Variants in FRYL observed in about 807,000 individuals in gnomAD.
FRYL encodes the protein FRY like transcription coactivator.
In FRYL, 150 loss-of-function variants were observed where a neutral mutation model predicts 351.2. The ratio of observed to expected loss-of-function variants is 0.43; its 90% CI spans 0.37 to 0.49. FRYL has a LOEUF of 0.49. Ranked by LOEUF, FRYL falls within the 20% of genes least tolerant of loss-of-function variation. The pLI, the probability that FRYL is intolerant of heterozygous loss-of-function variation, is 0.00. For missense variants in FRYL, 3,036 were observed against 3,619.3 expected, an observed-to-expected ratio of 0.84 and a Z score of 4.13; for synonymous variants, 1,153 against 1,257.1, an observed-to-expected ratio of 0.92 and a Z score of 1.75.
chr4:48,710,235 G>C (rs1363852182), intron 2 of FRYL, among the ~76,000 whole-genome samples: 1 of 152,292 alleles, frequency 6.6e-6, no homozygotes, highest in Admixed American at 6.5e-5. Context: ...AGGTAAGACA[G>C]TAACAAGATA....
intron 1 of FRYL, among the ~76,000 whole-genome samples, chr4:48,724,330 T>A (rs7436127): frequency 1.3e-5 from 2 of 152,102 alleles, no homozygotes; most frequent in East Asian, 3.9e-4. Flanking sequence ...TCTATTTCCA[T>A]GTTGGGCCTG....
At chr4:48,650,323 G>A (rs964538195) in intron 3 of FRYL, among the ~76,000 whole-genome samples, 4 of 152,020 alleles carry the variant, frequency 2.6e-5, no homozygotes, top group African/African-American at 9.7e-5. Flanking sequence ...TTACTTGTCT[G>A]CACATTTACC....
intron 6 of FRYL, 70 bp downstream of exon 6, chr4:48,620,569 G>A (rs1578386810): frequency 9.5e-6 from 14 of 1,468,272 alleles, no homozygotes; most frequent in East Asian, 2.3e-5. Context: ...ACAACCTTCA[G>A]TTGATAATAT....
At chr4:48,698,763 T>C (rs1766444567) in intron 2 of FRYL, among the ~76,000 whole-genome samples, 1 of 151,998 alleles carries the variant, frequency 6.6e-6, no homozygotes, top group South Asian at 2.1e-4. Flanking sequence ...ATCCTGTAAC[T>C]CTGAAAAAAC....
At chr4:48,736,448 A>G (rs1771411803) in intron 1 of FRYL, among the ~76,000 whole-genome samples, 1 of 152,226 alleles carries the variant, frequency 6.6e-6, no homozygotes, top group South Asian at 2.1e-4. Flanking sequence ...ATAAGCTTCT[A>G]GCAGGTTAAC....
In FRYL at chr4:48,502,930, T is replaced by C. The variant is rs543408318; in HGVS notation, c.8464-85A>G. On this transcript the variant is annotated intron_variant, in intron 60 of 63. Transcript: ENST00000358350. ...GTGTAAGAAATCATTTTAACTAGGG[T>C]CACAGATGTTCCAGGTAAACTGAAG... The C allele has an allele frequency of 6.0e-6, 6 of 1,007,004 alleles. No individual in the cohort carries two copies. The South Asian group carries it at 8.2e-5, about 14-fold the overall frequency. 62.4% of individuals were successfully genotyped at this position (1,007,004 alleles called of 1,614,324 possible). A position where few individuals can be genotyped will look rare whatever the true frequency, so the allele number is the denominator to read the frequency against.
chr4:48,713,622 A>G (rs1030755699), intron 1 of FRYL, among the ~76,000 whole-genome samples: 2 of 152,190 alleles, frequency 1.3e-5, no homozygotes, highest in Non-Finnish European at 2.9e-5. Context: ...TTCATAAAGC[A>G]AGTCCTGAGT....
At position 48,499,461 on chromosome 4, in the gene FRYL, C is replaced by A. The variant is rs1719055660; in HGVS notation, c.9003G>T (p.Gln3001His). ...TCACCATATTTCCCATTGGTTTGGC[C>A]TGTGCTAGAAGTTGGTATGATTGCA... The part of the protein sequence containing the change: ...RMVQSYQLLA[Q>H]AKPMGNMVST... The change falls in exon 64 of 64, where the codon CAG (glutamine) becomes CAT (histidine). Residue 3001 changes from glutamine to histidine, a missense_variant. Coordinates refer to ENST00000358350, the MANE Select transcript of FRYL (RefSeq NM_015030.2). The A allele has an allele frequency of 1.2e-6, 2 of 1,614,010 alleles. No homozygotes were observed. Among genetic ancestry groups the A allele is most frequent in the Non-Finnish European group, 1.7e-6 (2 of 1,179,914 alleles).
intron 1 of FRYL, among the ~76,000 whole-genome samples, chr4:48,752,370 T>TTTGCCC (rs1162907521): frequency 5.8e-4 from 15 of 25,982 alleles, no homozygotes; most frequent in African/African-American, 1.8e-3. Context: ...TGACTCCGGA[T>TTTGCCC]CTGCCCCTGG....
At chr4:48,694,965 G>A (rs1282020322) in intron 2 of FRYL, among the ~76,000 whole-genome samples, 1 of 152,084 alleles carries the variant, frequency 6.6e-6, no homozygotes, top group East Asian at 1.9e-4. Flanking sequence ...CCCAGGCTAA[G>A]GTGAGAGGAT....
intron 26 of FRYL, chr4:48,572,098 T>A: frequency 1.7e-6 from 1 of 580,800 alleles, no homozygotes; most frequent in African/African-American, 2.0e-5. Flanking sequence ...GTCCCTAAAC[T>A]GCAGGGATTA....
intron 3 of FRYL, among the ~76,000 whole-genome samples, chr4:48,663,377 G>T (rs1761153362): frequency 6.7e-6 from 1 of 150,302 alleles, no homozygotes; most frequent in Non-Finnish European, 1.5e-5. Flanking sequence ...AATAAGCCAA[G>T]AATAGAATAA....
chr4:48,645,713 C>CTATT (rs1313177729), intron 3 of FRYL, among the ~76,000 whole-genome samples: 2 of 152,156 alleles, frequency 1.3e-5, no homozygotes, highest in Non-Finnish European at 2.9e-5. Flanking sequence ...GGGTTGTGAA[C>CTATT]TATTGCCTTA....
Position 48,557,642 on chromosome 4 carries a change from C to A in FRYL, c.3936G>T (p.Trp1312Cys). The A allele has an allele frequency of 6.2e-7, 1 of 1,614,136 alleles. No individual in the cohort carries two copies. Among genetic ancestry groups the A allele is most frequent in the Non-Finnish European group, 8.5e-7 (1 of 1,180,022 alleles). ...RQVMLHYLLP[W>C]MNNIELVDLK... ...AGTCCACCAGCTCGATGTTGTTCATCCATGGTAGCAGGTAGTGCAGCATCA... is the reference window on the plus strand; with the variant it reads ...AGTCCACCAGCTCGATGTTGTTCATACATGGTAGCAGGTAGTGCAGCATCA... Residue 1312 changes from tryptophan (W) to cysteine (C), a missense_variant, in exon 34 of 64, where the codon TGG (tryptophan) becomes TGT (cysteine). Trp to Cys is a radical substitution (Grantham distance 215). This residue lies in a region of FRYL where 1,987 missense variants were observed against 2,311.7 expected (regional missense o/e 0.86). Transcript: ENST00000358350.
chr4:48,763,047 T>C (rs1286794638), intron 1 of FRYL, among the ~76,000 whole-genome samples: 1 of 149,370 alleles, frequency 6.7e-6, no homozygotes, highest in Non-Finnish European at 1.5e-5. Context: ...GAAAGAATTA[T>C]GTTGACTGAA....
In FRYL at chr4:48,557,568, G is replaced by A. The variant is rs776035241; in HGVS notation, c.4010C>T (p.Ser1337Phe). ...CACCATAAGTTCTCGGTCTTTTAAG[G>A]AATCATCTTCATCTTCATCATGTCG... ...ARRHDEDEDD[S>F]LKDRELMVTS... The change falls in exon 34 of 64, where the codon TCC becomes TTC. Residue 1337 changes from serine to phenylalanine, a missense_variant. Ser to Phe is a radical substitution (Grantham distance 155). Around this residue, in one of 7 missense-constraint regions of FRYL, gnomAD observed 1,987 missense variants for 2,311.7 expected, o/e 0.86. Coordinates refer to ENST00000358350, the MANE Select transcript of FRYL (RefSeq NM_015030.2). 6.2e-7 allele frequency: 1 copy of A among 1,614,014 alleles called. No individual in the cohort carries two copies. Among genetic ancestry groups the A allele is most frequent in the Non-Finnish European group, 8.5e-7 (1 of 1,180,036 alleles).
chr4:48,771,089 G>GT (rs1775462280), intron 1 of FRYL, among the ~76,000 whole-genome samples: 2 of 152,142 alleles, frequency 1.3e-5, no homozygotes, highest in Non-Finnish European at 2.9e-5. Context: ...AAATTCTACT[G>GT]TATCATTCCT....
At chr4:48,560,141 G>T (rs764446424) in intron 33 of FRYL, among the ~76,000 whole-genome samples, 12 of 152,094 alleles carry the variant, frequency 7.9e-5, no homozygotes, top group Non-Finnish European at 1.6e-4. Context: ...GAATGGGAAG[G>T]GCCTCAGAGC....
At chr4:48,538,497 C>A (rs1183070865) in intron 47 of FRYL, among the ~76,000 whole-genome samples, 3 of 152,086 alleles carry the variant, frequency 2.0e-5, no homozygotes, top group African/African-American at 7.2e-5. Context: ...CCAGTATTTT[C>A]TTTCTTTACT....
Sources: gnomAD v4.1 joint callset for allele counts (sites outside exome capture counted in the v4.1 genomes callset) on GRCh38, gnomAD v4.1.1 for gene constraint, gnomAD v4.1.1 regional missense constraint, MANE v1.5 for transcripts, NCBI Gene and HGNC (gene_info 2026-07-23, HGNC 2026-07-21) for gene names.